The following COMT variants were observed in gnomAD, a reference collection of about 807,000 sequenced individuals.
The protein encoded by COMT is catechol O-methyltransferase.
COMT carries 13 observed loss-of-function variants against 18.9 expected under a neutral mutation model. The observed-to-expected ratio is 0.69, with a 90% CI of 0.45 to 1.09. COMT has a LOEUF of 1.09. COMT is among the 50% of genes least tolerant of loss of function. COMT has a pLI of 0.00. For synonymous variants in COMT, 150 were observed against 160.9 expected, an observed-to-expected ratio of 0.93 and a Z score of 0.51; for missense variants, 329 against 361.8, an observed-to-expected ratio of 0.91 and a Z score of 0.73.
At position 19,950,261 on chromosome 22, in the gene COMT, T is replaced by TTTTTTTTTTTTTTTG. The variant is rs763598655; in HGVS notation, c.-92+8366_-92+8367insTTTTTTTTTTTTGTT. On this transcript the variant is annotated intron_variant, in intron 1 of 5. Transcript: ENST00000361682. ...CTTTTCTTTTTTTTTTTTTTTTTTTTTTCTGTAGAGACAAGGTCTTGCTGT... is the reference window on the plus strand; with the variant it reads ...CTTTTCTTTTTTTTTTTTTTTTTTTTTTTTTTTTTTTTTTGTTCTGTAGAGACAAGGTCTTGCTGT... Among the ~76,000 whole-genome samples, 130 of 132,798 alleles carry TTTTTTTTTTTTTTTG rather than the reference T, an allele frequency of 9.8e-4. 1 individual carries two copies. The highest frequency in any genetic ancestry group is 1.6e-3 in the Non-Finnish European group (97 of 60,854). The allele number at this position is 132,798 out of a possible 152,430, so 87.1% of individuals were successfully genotyped here. A position where few individuals can be genotyped will look rare whatever the true frequency, so the allele number is the denominator to read the frequency against.
At chr22:19,967,152 T>G in intron 5 of COMT, 1 of 1,301,430 alleles carries the variant, frequency 7.7e-7, no homozygotes, top group South Asian at 1.2e-5. Flanking sequence ...CTTTCCTGTT[T>G]AACTCGTGCA....
intron 1 of COMT, among the ~76,000 whole-genome samples, chr22:19,949,544 G>A (rs953184700): frequency 3.3e-5 from 5 of 151,618 alleles, no homozygotes; most frequent in Non-Finnish European, 5.9e-5. Flanking sequence ...CATTCTTATT[G>A]TTTCTAGGAG....
chr22:19,964,889 C>T (rs1463931997), intron 5 of COMT: 1 of 233,162 alleles, frequency 4.3e-6, no homozygotes, highest in South Asian at 6.6e-5. Context: ...ACATCAGTGA[C>T]ACACTGCCCC....
chr22:19,967,337 G>A (rs1472122254), intron 5 of COMT: 1 of 643,416 alleles, frequency 1.6e-6, no homozygotes, highest in South Asian at 1.5e-5. Context: ...CTAGGCCATT[G>A]TCCTCCTCCC....
chr22:19,943,615 C>G (rs1941783572), intron 1 of COMT, among the ~76,000 whole-genome samples: 1 of 150,980 alleles, frequency 6.6e-6, no homozygotes, highest in Non-Finnish European at 1.5e-5. Flanking sequence ...ATACTCCAGC[C>G]TGAGCAACAG....
chr22:19,957,136 G>GAGAC (rs1942082235), intron 1 of COMT, among the ~76,000 whole-genome samples: 1 of 152,016 alleles, frequency 6.6e-6, no homozygotes, highest in African/African-American at 2.4e-5. Flanking sequence ...ATTTTTAGTA[G>GAGAC]AGACAGGGTT....
Position 19,967,461 on chromosome 22 carries a change from T to G in COMT, c.616-1075T>G, listed in dbSNP as rs2146191806. On this transcript the variant is annotated intron_variant, in intron 5 of 5. Transcript: ENST00000361682. ...GGTACTTCCTGCTCAACTCCGGACC[T>G]TGGGGCTGTCCCCTGACCTCACTGA... 2 of 460,086 alleles carry G rather than the reference T, an allele frequency of 4.3e-6. 1 individual carries two copies. The highest frequency in any genetic ancestry group is 3.2e-5 in the South Asian group (2 of 63,468). The allele number at this position is 460,086 out of a possible 1,614,324, so 28.5% of individuals were successfully genotyped here. A position where few individuals can be genotyped will look rare whatever the true frequency, so the allele number is the denominator to read the frequency against.
chr22:19,968,818 G>A lies in COMT; in HGVS notation c.*82G>A, dbSNP rs928195361. The A allele has an allele frequency of 5.3e-5, 72 of 1,359,646 alleles. No homozygotes were observed. The highest frequency in any genetic ancestry group is 3.4e-4 in the Admixed American group (18 of 52,802). 84.2% of individuals were successfully genotyped at this position (1,359,646 alleles called of 1,614,324 possible). Reference sequence around the variant, plus strand: ...AGACGTGCTCCTGCTGACCTTCTGCGGCTCCGGGCTGTGTCCTAAATGCAA... The same window carrying A: ...AGACGTGCTCCTGCTGACCTTCTGCAGCTCCGGGCTGTGTCCTAAATGCAA... On this transcript the variant is annotated 3_prime_UTR_variant, in exon 6 of 6. Coordinates refer to ENST00000361682, the MANE Select transcript of COMT (RefSeq NM_000754.4).
chr22:19,956,414 T>G (rs193208594), intron 1 of COMT, among the ~76,000 whole-genome samples: 2 of 129,602 alleles, frequency 1.5e-5, no homozygotes, highest in Non-Finnish European at 3.3e-5. Flanking sequence ...TCTCGCTCTG[T>G]CACCCAGGCT....
Position 19,941,889 on chromosome 22 carries a change from G to A in COMT, c.-100G>A, listed in dbSNP as rs1271770673. Reference sequence around the variant, plus strand: ...CGGGTCCAGTCCCGGGCGGGCCGTCGCGGGAGAGGTGAGAGCGCTGGCTAG... The same window carrying A: ...CGGGTCCAGTCCCGGGCGGGCCGTCACGGGAGAGGTGAGAGCGCTGGCTAG... On this transcript the variant is annotated 5_prime_UTR_variant, in exon 1 of 6. Coordinates refer to ENST00000361682, the MANE Select transcript of COMT (RefSeq NM_000754.4). The A allele has an allele frequency of 6.0e-6, 8 of 1,344,438 alleles. No individual in the cohort carries two copies. The South Asian group carries it at 1.2e-4, about 20-fold the overall frequency. The allele number at this position is 1,344,438 out of a possible 1,614,324, so 83.3% of individuals were successfully genotyped here.
intron 5 of COMT, chr22:19,966,970 G>A: frequency 1.0e-6 from 1 of 985,428 alleles, no homozygotes; most frequent in South Asian, 4.7e-5. Flanking sequence ...AGACGCTGAT[G>A]CATGTTTAGC....
In COMT at chr22:19,969,065, C is replaced by G; in HGVS notation, c.*329C>G. ...TACATCCTTCTCAACTGCCATTCCC[C>G]TGCTGCCCTTGACTTGGGCACCAAA... On this transcript the variant is annotated 3_prime_UTR_variant, in exon 6 of 6. Transcript: ENST00000361682. 1 of 252,906 alleles carries G rather than the reference C, an allele frequency of 4.0e-6. No homozygotes were observed. The highest frequency in any genetic ancestry group is 7.9e-6 in the Non-Finnish European group (1 of 126,938). 15.7% of individuals were successfully genotyped at this position (252,906 alleles called of 1,614,324 possible).
chr22:19,945,525 T>G (rs8185002), intron 1 of COMT, among the ~76,000 whole-genome samples: 35,065 of 152,070 alleles, frequency 0.23, 4,353 homozygotes, highest in Middle Eastern at 0.34. Context: ...GCCATGAAAA[T>G]AGAATACTCA....
chr22:19,950,814 C>T (rs1047912735), intron 1 of COMT: 1 of 152,146 alleles, frequency 6.6e-6, no homozygotes, highest in East Asian at 1.9e-4. Flanking sequence ...CCAAATTATC[C>T]TTGGTAAAGT....
Position 19,968,515 on chromosome 22 carries a change from C to T in COMT, c.616-21C>T, listed in dbSNP as rs571126788. The T allele has an allele frequency of 9.3e-6, 15 of 1,611,078 alleles. No homozygotes were observed. In the South Asian group the frequency reaches 1.5e-4, roughly 17 times the overall value. On this transcript the variant is annotated intron_variant, in intron 5 of 5. Transcript: ENST00000361682. ...GGGCACCTCTGACCCTCACCTCCCC[C>T]ACCCCCCGGTCTGTTTGCAGGAATG...
intron 1 of COMT, among the ~76,000 whole-genome samples, chr22:19,952,138 A>G (rs1364516577): frequency 1.3e-5 from 2 of 152,150 alleles, no homozygotes; most frequent in Non-Finnish European, 2.9e-5. Context: ...TGTCTCTACA[A>G]AAATAATTTT....
intron 1 of COMT, among the ~76,000 whole-genome samples, chr22:19,943,666 A>G (rs1941785558): frequency 1.3e-5 from 2 of 151,806 alleles, no homozygotes; most frequent in Admixed American, 6.6e-5. Flanking sequence ...TAATAAAATA[A>G]AAAAATAAAA....
chr22:19,959,558 C>T (rs1220869064), intron 1 of COMT, among the ~76,000 whole-genome samples: 1 of 149,442 alleles, frequency 6.7e-6, no homozygotes, highest in Non-Finnish European at 1.5e-5. Context: ...CGGGGCGGAG[C>T]GGAGGTGGTT....
chr22:19,966,546 T>A (rs916993419), intron 5 of COMT, among the ~76,000 whole-genome samples: 5 of 147,412 alleles, frequency 3.4e-5, no homozygotes, highest in Non-Finnish European at 7.4e-5. Flanking sequence ...GCTCCAGTGA[T>A]CCTCCCACCT....
Sources: gnomAD v4.1 joint callset for allele counts (sites outside exome capture counted in the v4.1 genomes callset) on GRCh38, gnomAD v4.1.1 for gene constraint, MANE v1.5 for transcripts, NCBI Gene and HGNC (gene_info 2026-07-23, HGNC 2026-07-21) for gene names.